The following FAM135A variants were observed in gnomAD, a reference collection of about 807,000 sequenced individuals.
FAM135A encodes the protein family with sequence similarity 135 member A.
A neutral mutation model predicts 146.8 loss-of-function variants in FAM135A; 79 were observed. The ratio of observed to expected loss-of-function variants is 0.54; its 90% CI spans 0.45 to 0.65. The LOEUF (loss-of-function observed/expected upper bound fraction) is 0.65. Ranked by LOEUF, FAM135A falls within the 30% of genes least tolerant of loss-of-function variation. FAM135A has a pLI of 0.00. For missense variants in FAM135A, 1,623 were observed against 1,758.2 expected, an observed-to-expected ratio of 0.92 and a Z score of 1.38; for synonymous variants, 562 against 603.6, an observed-to-expected ratio of 0.93 and a Z score of 1.01.
At chr6:70,537,030 G>A (rs2128421476) in intron 19 of FAM135A, among the ~76,000 whole-genome samples, 1 of 151,016 alleles carries the variant, frequency 6.6e-6, no homozygotes, top group African/African-American at 2.4e-5. Context: ...TTGACTCCCT[G>A]GTTCAAGCGA....
chr6:70,481,330 C>A (rs549674061), intron 9 of FAM135A, among the ~76,000 whole-genome samples: 3 of 152,120 alleles, frequency 2.0e-5, no homozygotes, highest in African/African-American at 4.8e-5. Flanking sequence ...CTTTAAAGAA[C>A]AATTGACAGA....
At chr6:70,534,388 C>T (rs1246302961) in intron 18 of FAM135A, among the ~76,000 whole-genome samples, 1 of 142,386 alleles carries the variant, frequency 7.0e-6, no homozygotes, top group Non-Finnish European at 1.5e-5. Context: ...GGCGCCATCT[C>T]GGCTCACTGC....
intron 5 of FAM135A, among the ~76,000 whole-genome samples, chr6:70,469,847 T>C (rs1320743196): frequency 1.3e-5 from 2 of 152,040 alleles, no homozygotes; most frequent in Non-Finnish European, 2.9e-5. Flanking sequence ...GGCAACATAA[T>C]GAGACCTCAT....
intron 12 of FAM135A, among the ~76,000 whole-genome samples, chr6:70,520,689 C>A (rs1212628549): frequency 6.6e-6 from 1 of 151,798 alleles, no homozygotes; most frequent in African/African-American, 2.4e-5. Flanking sequence ...TATATATATT[C>A]CCCATATTTG....
chr6:70,528,290 A>C lies in FAM135A; in HGVS notation c.3615-2A>C. On this transcript the variant is annotated splice_acceptor_variant, in intron 15 of 21. Transcript: ENST00000418814. LOFTEE classifies it high-confidence loss of function. ...AAGAGTATCTTTTGTATTTTGCTTCAGCTTCCTTCAGGCAAAAGAAGAACT... is the reference window on the plus strand; with the variant it reads ...AAGAGTATCTTTTGTATTTTGCTTCCGCTTCCTTCAGGCAAAAGAAGAACT... The C allele has an allele frequency of 1.2e-6, 2 of 1,603,168 alleles. No individual in the cohort carries two copies. Among genetic ancestry groups the C allele is most frequent in the Non-Finnish European group, 1.7e-6 (2 of 1,176,398 alleles).
chr6:70,505,659 T>C (rs1216423838), intron 12 of FAM135A, among the ~76,000 whole-genome samples: 1 of 152,174 alleles, frequency 6.6e-6, no homozygotes, highest in African/African-American at 2.4e-5. Flanking sequence ...CTACAATATT[T>C]AATGTTTTCT....
At chr6:70,516,919 T>C (rs1326529647) in intron 12 of FAM135A, among the ~76,000 whole-genome samples, 6 of 152,174 alleles carry the variant, frequency 3.9e-5, no homozygotes, top group African/African-American at 1.4e-4. Context: ...AGCCATTCTT[T>C]TCCACTTTAA....
chr6:70,428,246 T>A (rs1182128909), intron 3 of FAM135A, 58 bp from the exon 4 acceptor site: 1 of 765,388 alleles, frequency 1.3e-6, no homozygotes, highest in Non-Finnish European at 2.1e-6. Flanking sequence ...TAATAGCATT[T>A]TTATAAGTTG....
chr6:70,447,217 T>G (rs555376385), intron 4 of FAM135A, among the ~76,000 whole-genome samples: 21 of 152,352 alleles, frequency 1.4e-4, no homozygotes, highest in South Asian at 1.2e-3. Context: ...GTAATTTGAT[T>G]TACCCAGTAA....
At chr6:70,444,429 A>C (rs10440812) in intron 4 of FAM135A, among the ~76,000 whole-genome samples, 16,780 of 145,514 alleles carry the variant, frequency 0.12, 2,572 homozygotes, top group African/African-American at 0.36. Flanking sequence ...AAATAAATAA[A>C]TAAGCATGCC....
At chr6:70,421,690 C>A (rs143389034) in intron 2 of FAM135A, among the ~76,000 whole-genome samples, 248 of 152,244 alleles carry the variant, frequency 1.6e-3, no homozygotes, top group African/African-American at 5.8e-3. Context: ...CACTTAGTGA[C>A]CTGGGATATG....
intron 4 of FAM135A, among the ~76,000 whole-genome samples, chr6:70,429,303 A>C (rs1428301061): frequency 6.6e-6 from 1 of 152,170 alleles, no homozygotes; most frequent in African/African-American, 2.4e-5. Context: ...ACCAGAGGTC[A>C]GGAGTTTGAG....
chr6:70,523,939 A>G, intron 13 of FAM135A, 28 bp from the exon 14 acceptor site: 1 of 1,587,728 alleles, frequency 6.3e-7, no homozygotes, highest in South Asian at 1.2e-5. Context: ...TTTCTAAATT[A>G]CAATCTGACT....
At chr6:70,425,293 A>T (rs1045770667) in intron 2 of FAM135A, among the ~76,000 whole-genome samples, 11 of 152,132 alleles carry the variant, frequency 7.2e-5, no homozygotes, top group African/African-American at 2.4e-4. Context: ...AGGCATAGAG[A>T]CTTGGCCAAA....
intron 4 of FAM135A, among the ~76,000 whole-genome samples, chr6:70,450,898 C>T (rs1255931330): frequency 2.6e-5 from 4 of 151,462 alleles, no homozygotes; most frequent in Non-Finnish European, 1.5e-5. Context: ...CATGCCACCA[C>T]GCCTGGCTAA....
intron 10 of FAM135A, among the ~76,000 whole-genome samples, chr6:70,487,180 GT>G (rs1447421240): frequency 1.4e-5 from 2 of 146,204 alleles, no homozygotes; most frequent in Non-Finnish European, 3.0e-5. Context: ...TTGTTTGTTT[GT>G]TTTAGTCAAT....
At position 70,491,092 on chromosome 6, in the gene FAM135A, A is replaced by AT. The variant is rs1297605865; in HGVS notation, c.873+15dup. 6.3e-7 allele frequency: 1 copy of AT among 1,592,250 alleles called. No homozygotes were observed. Among genetic ancestry groups the AT allele is most frequent in the Non-Finnish European group, 8.5e-7 (1 of 1,169,948 alleles). On this transcript the variant is annotated intron_variant, in intron 11 of 21. Transcript: ENST00000418814. Reference sequence around the variant, plus strand: ...TATGTGAAGAAGTTAAGGTACTTGGATTTTTTAAATTCACATCATCAAGTT... The same window carrying AT: ...TATGTGAAGAAGTTAAGGTACTTGGATTTTTTTAAATTCACATCATCAAGTT...
chr6:70,452,427 G>A (rs3736752), intron 4 of FAM135A, 65 bp from the exon 5 acceptor site: 21,757 of 1,141,750 alleles, frequency 0.019, 882 homozygotes, highest in African/African-American at 0.11. Context: ...TACAAATGTG[G>A]AAGTCGGGGC....
At chr6:70,474,101 C>T (rs1310416349) in intron 5 of FAM135A, among the ~76,000 whole-genome samples, 1 of 152,066 alleles carries the variant, frequency 6.6e-6, no homozygotes, top group African/African-American at 2.4e-5. Flanking sequence ...AGGCCACCAC[C>T]CCATGTGGAT....
Sources: gnomAD v4.1 joint callset for allele counts (sites outside exome capture counted in the v4.1 genomes callset) on GRCh38, gnomAD v4.1.1 for gene constraint, MANE v1.5 for transcripts, NCBI Gene and HGNC (gene_info 2026-07-23, HGNC 2026-07-21) for gene names.